The following DENND11 variants were observed in gnomAD, a reference collection of about 807,000 sequenced individuals.
DENND11 encodes DENN domain-containing protein 11.
Under a neutral mutation model 49.2 loss-of-function variants are expected in DENND11, and 34 were observed. That is an observed-to-expected ratio of 0.69 (90% CI 0.53 to 0.92). DENND11 has a LOEUF of 0.92. Among genes scored for constraint, DENND11 ranks in the 40% least tolerant of loss-of-function variants. The pLI, the probability that DENND11 is intolerant of heterozygous loss-of-function variation, is 0.00. For synonymous variants in DENND11, 238 were observed against 230.3 expected, an observed-to-expected ratio of 1.03 and a Z score of -0.30; for missense variants, 475 against 581.6, an observed-to-expected ratio of 0.82 and a Z score of 1.88.
At chr7:141,694,357 C>T (rs1798376733) in intron 1 of DENND11, among the ~76,000 whole-genome samples, 1 of 151,986 alleles carries the variant, frequency 6.6e-6, no homozygotes, top group East Asian at 1.9e-4. Flanking sequence ...AACTCCAGGG[C>T]TCAAATGATC....
At chr7:141,684,876 T>A (rs1798207880) in intron 3 of DENND11, among the ~76,000 whole-genome samples, 1 of 151,478 alleles carries the variant, frequency 6.6e-6, no homozygotes, top group African/African-American at 2.4e-5. Context: ...CTGCTTCTGT[T>A]AAAAATTCTC....
intron 7 of DENND11, 64 bp from the exon 8 acceptor site, chr7:141,664,304 T>G: frequency 1.5e-6 from 2 of 1,313,530 alleles, no homozygotes; most frequent in Non-Finnish European, 2.1e-6. Flanking sequence ...AGGTGAGGCC[T>G]CAGCCAGGCA....
At chr7:141,664,135 C>A in intron 8 of DENND11, 37 bp downstream of exon 8, 1 of 1,521,024 alleles carries the variant, frequency 6.6e-7, no homozygotes, top group Non-Finnish European at 9.0e-7. Flanking sequence ...CGAAGGGATC[C>A]TCAGGGAGAC....
At chr7:141,674,264 G>C in intron 3 of DENND11, 44 bp from the exon 4 acceptor site, 3 of 1,493,854 alleles carry the variant, frequency 2.0e-6, no homozygotes, top group African/African-American at 1.5e-5. Flanking sequence ...CACACAGTGA[G>C]AACAGCCCTG....
At chr7:141,686,486 G>T in intron 2 of DENND11, 73 bp downstream of exon 2, 1 of 912,214 alleles carries the variant, frequency 1.1e-6, no homozygotes, top group Non-Finnish European at 1.8e-6. Context: ...CCTAATAAGA[G>T]CCCTTCAGCT....
At chr7:141,681,851 G>A (rs1317937351) in intron 3 of DENND11, among the ~76,000 whole-genome samples, 2 of 152,152 alleles carry the variant, frequency 1.3e-5, no homozygotes, top group African/African-American at 4.8e-5. Context: ...TGTGGTTATG[G>A]AGGAAAATGA....
intron 4 of DENND11, among the ~76,000 whole-genome samples, chr7:141,667,129 C>T (rs1367087041): frequency 6.6e-6 from 1 of 152,184 alleles, no homozygotes; most frequent in African/African-American, 2.4e-5. Flanking sequence ...CCATGTTGGC[C>T]AGGCTGGCTT....
At chr7:141,668,274 T>C (rs984288208) in intron 4 of DENND11, among the ~76,000 whole-genome samples, 4 of 152,112 alleles carry the variant, frequency 2.6e-5, no homozygotes, top group Admixed American at 2.0e-4. Flanking sequence ...GGGGAAGTGA[T>C]GTTGAAGCTT....
intron 1 of DENND11, among the ~76,000 whole-genome samples, chr7:141,687,695 C>A (rs186235415): frequency 7.0e-6 from 1 of 142,770 alleles, no homozygotes; most frequent in Non-Finnish European, 1.5e-5. Flanking sequence ...AGTGCAGTGG[C>A]GCGATCTCGG....
chr7:141,685,400 C>T, intron 3 of DENND11, 78 bp downstream of exon 3: 4 of 1,526,798 alleles, frequency 2.6e-6, no homozygotes, highest in Non-Finnish European at 3.6e-6. Context: ...CACGCAAATG[C>T]TGTCTCCGAG....
intron 2 of DENND11, 127 bp from the exon 3 acceptor site, chr7:141,685,763 G>A (rs1478087018): frequency 1.1e-5 from 11 of 1,025,896 alleles, no homozygotes; most frequent in South Asian, 3.1e-5. Context: ...GAAAACAAGC[G>A]GGCCAAGCCA....
chr7:141,693,170 AAAC>A (rs1355629515), intron 1 of DENND11, among the ~76,000 whole-genome samples: 6 of 152,258 alleles, frequency 3.9e-5, no homozygotes, highest in African/African-American at 9.6e-5. Context: ...AACAATAAGA[AAAC>A]AATCCAACTT....
intron 2 of DENND11, among the ~76,000 whole-genome samples, chr7:141,685,978 C>A (rs562081358): frequency 5.3e-5 from 8 of 152,334 alleles, no homozygotes; most frequent in African/African-American, 9.6e-5. Flanking sequence ...CTTGGACTCT[C>A]TTTCGTAGCA....
At chr7:141,686,933 A>G (rs1368890573) in intron 1 of DENND11, among the ~76,000 whole-genome samples, 1 of 152,002 alleles carries the variant, frequency 6.6e-6, no homozygotes, top group East Asian at 1.9e-4. Flanking sequence ...ATTCTGCTCA[A>G]CCACTTCCAA....
At position 141,664,156 on chromosome 7, in the gene DENND11, C is replaced by T. The variant is rs1387714385; in HGVS notation, c.1172+16G>A. The T allele has an allele frequency of 3.9e-5, 61 of 1,564,888 alleles. No homozygotes were observed. Among genetic ancestry groups the T allele is most frequent in the Admixed American group, 5.5e-5 (3 of 54,156 alleles). On this transcript the variant is annotated intron_variant, in intron 8 of 8. Transcript: ENST00000536163. ...GATCCTCAGGGAGACTCCACATCCACGGCCCCAGGACTCACAGCACGAAGA... is the reference window on the plus strand; with the variant it reads ...GATCCTCAGGGAGACTCCACATCCATGGCCCCAGGACTCACAGCACGAAGA...
chr7:141,683,573 G>A (rs1049381191), intron 3 of DENND11, among the ~76,000 whole-genome samples: 20 of 152,184 alleles, frequency 1.3e-4, no homozygotes, highest in Non-Finnish European at 2.4e-4. Flanking sequence ...AACCCAGGAG[G>A]CGGAGGTTGC....
chr7:141,665,066 G>A lies in DENND11; in HGVS notation c.953-12C>T, dbSNP rs755443289. The A allele has an allele frequency of 9.9e-6, 16 of 1,612,930 alleles. No homozygotes were observed. Among genetic ancestry groups the A allele is most frequent in the South Asian group, 2.2e-5 (2 of 91,022 alleles). On this transcript the variant is annotated splice_polypyrimidine_tract_variant and intron_variant, in intron 6 of 8. Transcript: ENST00000536163. ...CTTCTCTGTGGTGCCTGTGGAACCC[G>A]GGGTTAGAGAGGTGGGAACCCACCC...
rs144326036 is a variant in DENND11, at chr7:141,675,044, A to AC, written c.528-825dup. ...GCCCCAGCACCTCACTCAGAATGGG[A>AC]CTTTTTTGGATAGCATCTTTACATA... On this transcript the variant is annotated intron_variant, in intron 3 of 8. Transcript: ENST00000536163. Among the ~76,000 whole-genome samples, 607 of 152,322 alleles carry AC rather than the reference A, an allele frequency of 4.0e-3. 4 individuals are homozygous for AC. The highest frequency in any genetic ancestry group is 0.014 in the African/African-American group (564 of 41,572).
At chr7:141,690,155 T>C (rs1798304280) in intron 1 of DENND11, among the ~76,000 whole-genome samples, 1 of 152,192 alleles carries the variant, frequency 6.6e-6, no homozygotes, top group South Asian at 2.1e-4. Flanking sequence ...CATAGCTGCT[T>C]CTCTGCAGGC....
Sources: gnomAD v4.1 joint callset for allele counts (sites outside exome capture counted in the v4.1 genomes callset) on GRCh38, gnomAD v4.1.1 for gene constraint, MANE v1.5 for transcripts, NCBI Gene and HGNC (gene_info 2026-07-23, HGNC 2026-07-21) for gene names.